Variants in PDZD2 observed in about 807,000 individuals in gnomAD.
PDZD2 encodes PDZ domain-containing protein 2.
A neutral mutation model predicts 220.7 loss-of-function variants in PDZD2; 90 were observed. The ratio of observed to expected loss-of-function variants is 0.41; its 90% CI spans 0.34 to 0.49. The LOEUF (loss-of-function observed/expected upper bound fraction) is 0.49. Ranked by LOEUF, PDZD2 falls within the 20% of genes least tolerant of loss-of-function variation. PDZD2 has a pLI of 0.28. For missense variants in PDZD2, 3,174 were observed against 3,608.5 expected (o/e 0.88, Z 3.08); for synonymous variants, 1,375 against 1,450.5 (o/e 0.95, Z 1.18).
chr5:31,931,055 C>T (rs1452916120), intron 2 of PDZD2, among the ~76,000 whole-genome samples: 1 of 152,182 alleles, frequency 6.6e-6, no homozygotes, highest in Non-Finnish European at 1.5e-5. Flanking sequence ...CAGGGTCTCA[C>T]TCTTTTGCCC....
intron 2 of PDZD2, among the ~76,000 whole-genome samples, chr5:31,879,534 T>C (rs543913444): frequency 4.1e-4 from 63 of 152,276 alleles, no homozygotes; most frequent in African/African-American, 9.1e-4. Flanking sequence ...AGTCTCCTTT[T>C]AGCAGGATTT....
At chr5:31,858,101 C>T (rs1758617776) in intron 2 of PDZD2, among the ~76,000 whole-genome samples, 1 of 151,522 alleles carries the variant, frequency 6.6e-6, no homozygotes, top group South Asian at 2.1e-4. Flanking sequence ...GCTAGGATTA[C>T]AGGTGTGAGC....
chr5:31,810,476 A>G (rs1233695938), intron 2 of PDZD2, among the ~76,000 whole-genome samples: 1 of 152,196 alleles, frequency 6.6e-6, no homozygotes, highest in Non-Finnish European at 1.5e-5. Flanking sequence ...TGTGTTACCC[A>G]GGATGGTCTG....
At chr5:31,931,505 C>T (rs925832244) in intron 2 of PDZD2, among the ~76,000 whole-genome samples, 9 of 152,204 alleles carry the variant, frequency 5.9e-5, no homozygotes, top group South Asian at 2.1e-4. Context: ...GGCTGCAGGA[C>T]ACCCAGCTGC....
At chr5:31,847,587 G>T in intron 2 of PDZD2, 1 of 672,486 alleles carries the variant, frequency 1.5e-6, no homozygotes, top group African/African-American at 1.8e-5. Flanking sequence ...TGGCTCGGAG[G>T]CTTTTCAGTA....
At chr5:31,809,275 T>C (rs1181244442) in intron 2 of PDZD2, among the ~76,000 whole-genome samples, 3 of 152,048 alleles carry the variant, frequency 2.0e-5, no homozygotes, top group African/African-American at 7.2e-5. Flanking sequence ...TCCAGCACAG[T>C]GAGAGAAAGT....
At chr5:31,668,532 GT>G (rs1445479187) in intron 1 of PDZD2, among the ~76,000 whole-genome samples, 1 of 152,190 alleles carries the variant, frequency 6.6e-6, no homozygotes, top group Non-Finnish European at 1.5e-5. Flanking sequence ...TTTGCCTTGT[GT>G]TTTTCATGAC....
intron 2 of PDZD2, among the ~76,000 whole-genome samples, chr5:31,971,749 C>A (rs1749315415): frequency 1.5e-5 from 2 of 134,856 alleles, no homozygotes; most frequent in Non-Finnish European, 3.1e-5. Context: ...ATTTCACATT[C>A]CTCCTCTGCT....
At chr5:31,793,230 T>C (rs866637289) in intron 1 of PDZD2, among the ~76,000 whole-genome samples, 4 of 118,114 alleles carry the variant, frequency 3.4e-5, no homozygotes, top group South Asian at 3.0e-4. Context: ...ATCCTTGTTT[T>C]ATAAGGTGGT....
chr5:31,885,892 TG>T (rs1204513567), intron 2 of PDZD2, among the ~76,000 whole-genome samples: 3 of 151,556 alleles, frequency 2.0e-5, no homozygotes, highest in African/African-American at 7.3e-5. Flanking sequence ...TTGGTTTTTT[TG>T]TTTGTTGTTT....
intron 2 of PDZD2, among the ~76,000 whole-genome samples, chr5:31,982,228 G>C (rs569429226): frequency 3.3e-5 from 5 of 152,256 alleles, no homozygotes; most frequent in Non-Finnish European, 7.3e-5. Context: ...AACTGGGACT[G>C]TTACCAAGGC....
Position 32,109,469 on chromosome 5 carries a change from C to T in PDZD2, c.*1334C>T, listed in dbSNP as rs1361933656. 2 of 152,156 alleles carry T rather than the reference C, an allele frequency of 1.3e-5. No homozygotes were observed. The highest frequency in any genetic ancestry group is 2.1e-4 in the South Asian group (1 of 4,834). The allele number at this position is 152,156 out of a possible 1,614,324, so 9.4% of individuals were successfully genotyped here. ...CAGTAGCTATTCCGATTGGATATTCCGTTCGTCGTCACATAGCTGGCTTTT... is the reference window on the plus strand; with the variant it reads ...CAGTAGCTATTCCGATTGGATATTCTGTTCGTCGTCACATAGCTGGCTTTT... On this transcript the variant is annotated 3_prime_UTR_variant, in exon 25 of 25. Transcript: ENST00000438447.
In PDZD2 at chr5:31,878,786, C is replaced by T. The variant is rs571280440; in HGVS notation, c.476+79062C>T. On this transcript the variant is annotated intron_variant, in intron 2 of 24. Transcript: ENST00000438447. ...CTGTGTTAGCCAGGATGGTCTCGAT[C>T]TCCTGACTTCGTGATCCGCCTGCCT... is the stretch of plus-strand genomic sequence containing the variant. Among the ~76,000 whole-genome samples, 7 of 151,704 alleles carry T rather than the reference C, an allele frequency of 4.6e-5. No homozygotes were observed. The South Asian group carries it at 8.4e-4, about 18-fold the overall frequency.
At chr5:31,820,086 G>C (rs997225467) in intron 2 of PDZD2, among the ~76,000 whole-genome samples, 1 of 152,218 alleles carries the variant, frequency 6.6e-6, no homozygotes, top group South Asian at 2.1e-4. Flanking sequence ...CCCCAAGCTG[G>C]GGGCTGGGTC....
intron 14 of PDZD2, among the ~76,000 whole-genome samples, chr5:32,066,599 G>A (rs1462919540): frequency 1.3e-5 from 2 of 152,086 alleles, no homozygotes; most frequent in African/African-American, 4.8e-5. Flanking sequence ...CTTTCACCTC[G>A]GGAAGCAGTC....
At chr5:32,073,787 G>C (rs374381571) in intron 17 of PDZD2, 45 bp from the exon 18 acceptor site, 1 of 1,302,994 alleles carries the variant, frequency 7.7e-7, no homozygotes, top group Non-Finnish European at 1.1e-6. Flanking sequence ...AGGGCCAAGT[G>C]GGAAGCTCAA....
chr5:31,880,158 G>A (rs1239336427), intron 2 of PDZD2, among the ~76,000 whole-genome samples: 2 of 151,976 alleles, frequency 1.3e-5, no homozygotes, highest in African/African-American at 4.8e-5. Flanking sequence ...TCCTCACCTC[G>A]TGATCCACCC....
At chr5:31,793,128 GGGGCCCGGCCAAA>G (rs1753816521) in intron 1 of PDZD2, among the ~76,000 whole-genome samples, 1 of 152,104 alleles carries the variant, frequency 6.6e-6, no homozygotes, top group Non-Finnish European at 1.5e-5. Context: ...GTGAGCCACT[GGGGCCCGGCCAAA>G]GGTGCTTATT....
intron 1 of PDZD2, chr5:31,725,522 T>C: frequency 7.5e-7 from 1 of 1,332,936 alleles, no homozygotes; most frequent in Non-Finnish European, 1.0e-6. Flanking sequence ...GATCATGGTT[T>C]ATACTACCAG....
Sources: allele counts gnomAD v4.1 joint callset (sites outside exome capture counted in the v4.1 genomes callset), GRCh38; gene constraint gnomAD v4.1.1; transcripts MANE v1.5; gene names NCBI Gene and HGNC (gene_info 2026-07-23, HGNC 2026-07-21).